The following PPP2R5C variants were observed in gnomAD, a reference collection of about 807,000 sequenced individuals.
PPP2R5C encodes the protein protein phosphatase 2 regulatory subunit B'gamma, also known as serine/threonine-protein phosphatase 2A 56 kDa regulatory subunit gamma isoform.
Under a neutral mutation model 68.9 loss-of-function variants are expected in PPP2R5C, and 7 were observed. The observed-to-expected ratio is 0.10, with a 90% CI of 0.06 to 0.19. PPP2R5C has a LOEUF of 0.19. Among genes scored for constraint, PPP2R5C ranks in the 10% least tolerant of loss-of-function variants. PPP2R5C has a pLI of 1.00. For missense variants in PPP2R5C, 348 were observed against 641.3 expected (o/e 0.54, Z 4.94); for synonymous variants, 210 against 222.2 (o/e 0.95, Z 0.49).
At chr14:101,858,441 A>G (rs2042557498) in intron 2 of PPP2R5C, among the ~76,000 whole-genome samples, 1 of 152,030 alleles carries the variant, frequency 6.6e-6, no homozygotes, top group African/African-American at 2.4e-5. Flanking sequence ...TGGGGTTTCC[A>G]TCACCTCAAG....
In PPP2R5C at chr14:101,883,605, C is replaced by T. The variant is rs768997161; in HGVS notation, c.629+43C>T. 24 of 1,599,842 alleles carry T rather than the reference C, an allele frequency of 1.5e-5. No individual in the cohort carries two copies. In the East Asian group the frequency reaches 4.9e-4, roughly 33 times the overall value. ...GGCGTTGTCCTTGTGTGTGGTGATG[C>T]TCATTTCCCCCCTCGATGCTCCCCT... On this transcript the variant is annotated intron_variant, in intron 5 of 13. Coordinates refer to ENST00000334743, the Ensembl canonical transcript of PPP2R5C.
In PPP2R5C at chr14:101,781,100, G is replaced by A. The variant is rs1026394747; in HGVS notation, c.94-4918G>A. On this transcript the variant is annotated intron_variant, in intron 2 of 14. Coordinates refer to the PPP2R5C transcript ENST00000328724. This position sits in a 1 kb window ranked among gnomAD's most constrained non-coding sequence, Gnocchi z 6.4. ...CTCCCTCCAGCTACAGGTGCCTTGC[G>A]GTGCCGCCACTGGAGGAGTCTTTGC... is the stretch of plus-strand genomic sequence containing the variant. 9.9e-5 allele frequency among the ~76,000 whole-genome samples: 15 copies of A among 152,158 alleles called. No homozygotes were observed. Among genetic ancestry groups the A allele is most frequent in the Non-Finnish European group, 1.9e-4 (13 of 68,010 alleles).
intron 2 of PPP2R5C, among the ~76,000 whole-genome samples, chr14:101,864,350 G>A (rs536964493): frequency 5.3e-5 from 8 of 152,170 alleles, no homozygotes; most frequent in African/African-American, 1.7e-4. Context: ...CACTGAGAAC[G>A]CAACCTGGTG....
chr14:101,907,313 G>A (rs2046090867), intron 10 of PPP2R5C, among the ~76,000 whole-genome samples: 1 of 151,956 alleles, frequency 6.6e-6, no homozygotes, highest in Admixed American at 6.6e-5. Flanking sequence ...TGGGACTACA[G>A]GCACCCACCG....
At chr14:101,881,415 A>C (rs1290680557) in intron 2 of PPP2R5C, among the ~76,000 whole-genome samples, 2 of 152,180 alleles carry the variant, frequency 1.3e-5, no homozygotes, top group Admixed American at 6.6e-5. Context: ...TAAATAAATA[A>C]ATACATAGAT....
intron 2 of PPP2R5C, among the ~76,000 whole-genome samples, chr14:101,764,026 T>G (rs535671382): frequency 1.4e-5 from 2 of 145,050 alleles, no homozygotes; most frequent in South Asian, 2.1e-4. Context: ...TGTGTGTGTG[T>G]GTGGGCGCGC....
chr14:101,762,783 A>G (rs2036622584), intron 1 of PPP2R5C, 122 bp from the exon 2 acceptor site: 3 of 799,686 alleles, frequency 3.8e-6, no homozygotes, highest in South Asian at 1.6e-5. Context: ...TCCTAATGGT[A>G]TGAATTAAAA....
chr14:101,857,769 C>T (rs1206062990), intron 2 of PPP2R5C, among the ~76,000 whole-genome samples: 2 of 152,222 alleles, frequency 1.3e-5, no homozygotes, highest in Non-Finnish European at 2.9e-5. Context: ...CACACACACA[C>T]TTACTGGGGA....
intron 1 of PPP2R5C, among the ~76,000 whole-genome samples, chr14:101,816,896 A>G (rs1471175026): frequency 2.4e-5 from 3 of 126,384 alleles, no homozygotes; most frequent in Non-Finnish European, 1.6e-5. Context: ...TATATATTAT[A>G]TAAATATATA....
chr14:101,904,389 A>G (rs2045903015), intron 9 of PPP2R5C, among the ~76,000 whole-genome samples: 1 of 152,062 alleles, frequency 6.6e-6, no homozygotes, highest in Admixed American at 6.6e-5. Flanking sequence ...ACCTCAAGTG[A>G]TCCACCTGCC....
upstream of PPP2R5C, among the ~76,000 whole-genome samples, chr14:101,809,552 CTTTTTTTT>C (rs5811049): frequency 4.3e-5 from 4 of 92,916 alleles, no homozygotes; most frequent in African/African-American, 9.9e-5. Flanking sequence ...TATACACACA[CTTTTTTTT>C]TTTTTTTTTT....
At chr14:101,824,077 A>T (rs1426557210) in intron 1 of PPP2R5C, 1 of 1,289,186 alleles carries the variant, frequency 7.8e-7, no homozygotes, top group East Asian at 5.5e-5. Context: ...AGACTCCAGG[A>T]CTGACTTTCC....
At chr14:101,885,482 G>A (rs576919565) in intron 5 of PPP2R5C, among the ~76,000 whole-genome samples, 13 of 139,520 alleles carry the variant, frequency 9.3e-5, no homozygotes, top group East Asian at 2.3e-4. Flanking sequence ...CCACAGCCCC[G>A]GCCTCTCCCA....
At chr14:101,897,608 G>A (rs2045423102) in intron 8 of PPP2R5C, among the ~76,000 whole-genome samples, 2 of 151,882 alleles carry the variant, frequency 1.3e-5, no homozygotes, top group Non-Finnish European at 2.9e-5. Flanking sequence ...TCTTCTGCCT[G>A]CTTTATATTC....
upstream of PPP2R5C, among the ~76,000 whole-genome samples, chr14:101,808,339 G>A (rs2039160588): frequency 6.6e-6 from 1 of 152,096 alleles, no homozygotes; most frequent in Admixed American, 6.6e-5. Context: ...GTGTGAGGCC[G>A]GCAGCCTGCT....
chr14:101,902,076 G>T (rs915048661), intron 9 of PPP2R5C, among the ~76,000 whole-genome samples, 187 bp downstream of exon 11: 9 of 152,324 alleles, frequency 5.9e-5, no homozygotes, highest in South Asian at 2.1e-4. Flanking sequence ...TGAGCATCTT[G>T]TCCCTTCTGC....
chr14:101,855,645 G>A (rs2042379333), intron 1 of PPP2R5C, among the ~76,000 whole-genome samples: 1 of 152,134 alleles, frequency 6.6e-6, no homozygotes, highest in Admixed American at 6.5e-5. Context: ...AAAACATTTT[G>A]CAAATCTTTG....
In PPP2R5C at chr14:101,906,764, T is replaced by A. The variant is rs982096342; in HGVS notation, c.1151+235T>A. On this transcript the variant is annotated intron_variant, in intron 10 of 13. Coordinates refer to ENST00000334743, the Ensembl canonical transcript of PPP2R5C. This position sits in a 1 kb window ranked among gnomAD's most constrained non-coding sequence, Gnocchi z 4.0. ...AGAGGCACATTGGTTTGCAGCCACC[T>A]CCCAGTAGCAGCAGTTTCTAGGCCT... 2 of 474,234 alleles carry A rather than the reference T, an allele frequency of 4.2e-6. No individual in the cohort carries two copies. The highest frequency in any genetic ancestry group is 7.3e-6 in the Non-Finnish European group (2 of 272,618). The allele number at this position is 474,234 out of a possible 1,614,324, so 29.4% of individuals were successfully genotyped here.
intron 13 of PPP2R5C, 104 bp from the exon 16 acceptor site, chr14:101,925,037 A>T: frequency 1.5e-6 from 2 of 1,317,006 alleles, no homozygotes; most frequent in South Asian, 1.3e-5. Flanking sequence ...CGAGTGGGTG[A>T]GGCACACGTG....
Sources: allele counts gnomAD v4.1 joint callset (sites outside exome capture counted in the v4.1 genomes callset), GRCh38; gene constraint gnomAD v4.1.1; non-coding constraint Gnocchi (gnomAD v3.1); transcripts MANE v1.5; gene names NCBI Gene and HGNC (gene_info 2026-07-23, HGNC 2026-07-21).